Variants in MYDGF observed in about 807,000 individuals in gnomAD.
The protein encoded by MYDGF is myeloid derived growth factor.
MYDGF carries 29 observed loss-of-function variants against 24.2 expected under a neutral mutation model. The observed-to-expected ratio is 1.20, with a 90% CI of 0.89 to 1.63. MYDGF has a LOEUF of 1.63. Among genes scored for constraint, MYDGF ranks in the 40% most tolerant of loss-of-function variants. MYDGF has a pLI of 0.00. For synonymous variants in MYDGF, 105 were observed against 102.5 expected (o/e 1.02, Z -0.15); for missense variants, 245 against 234.8 (o/e 1.04, Z -0.29).
intron 3 of MYDGF, among the ~76,000 whole-genome samples, chr19:4,663,445 C>T (rs1378383868): frequency 1.6e-5 from 2 of 125,088 alleles, no homozygotes; most frequent in Non-Finnish European, 3.3e-5. Context: ...CCTCATTCTA[C>T]ACAGCCTCCA....
rs112029385 is a variant in MYDGF at position 4,665,213 on chromosome 19, C to CTGTT, written c.226-280_226-277dup. ...CACGGATGGGGAAATAGGAACAACG[C>CTGTT]TGTTTGTTTGTTTGTTTGTTTGTTT... On this transcript the variant is annotated intron_variant, in intron 2 of 5. Transcript: ENST00000262947. Among the ~76,000 whole-genome samples, 160 of 151,648 alleles carry CTGTT rather than the reference C, an allele frequency of 1.1e-3. No individual in the cohort carries two copies. In the East Asian group the frequency reaches 0.016, roughly 15 times the overall value.
intron 2 of MYDGF, 142 bp downstream of exon 2, chr19:4,668,453 C>T (rs980893615): frequency 9.3e-6 from 6 of 644,636 alleles, no homozygotes; most frequent in Admixed American, 2.8e-5. Flanking sequence ...CCAATACTCT[C>T]CCTTTTTATT....
At chr19:4,665,037 A>C in intron 2 of MYDGF, 100 bp from the exon 3 acceptor site, 3 of 1,297,212 alleles carry the variant, frequency 2.3e-6, no homozygotes, top group African/African-American at 1.5e-5. Flanking sequence ...CCTCTTCTGT[A>C]CCTCCCGATT....
In MYDGF at chr19:4,664,826, C is replaced by T. The variant is rs749867038; in HGVS notation, c.287+50G>A. ...CCTTCCAAAGCAGCTCCTGAGGCCACAGGGCAGGCCAACGGCAGCCGGAAA... is the reference window on the plus strand; with the variant it reads ...CCTTCCAAAGCAGCTCCTGAGGCCATAGGGCAGGCCAACGGCAGCCGGAAA... On this transcript the variant is annotated intron_variant, in intron 3 of 5. Coordinates refer to ENST00000262947, the MANE Select transcript of MYDGF (RefSeq NM_019107.4). The T allele has an allele frequency of 1.9e-5, 30 of 1,597,854 alleles. No homozygotes were observed. The South Asian group carries it at 3.0e-4, about 16-fold the overall frequency.
intron 2 of MYDGF, 132 bp downstream of exon 2, chr19:4,668,463 T>C (rs2088536974): frequency 1.5e-6 from 1 of 682,040 alleles, no homozygotes. Flanking sequence ...CCCTTTTTAT[T>C]GGTTTAGGAA....
At position 4,664,717 on chromosome 19, in the gene MYDGF, C is replaced by A. The variant is rs907865311; in HGVS notation, c.287+159G>T. ...TCCTTGGGGAGCACTCCCACCCCAGCGACCCTGCCACCCCCCACCTGCACG... is the reference window on the plus strand; with the variant it reads ...TCCTTGGGGAGCACTCCCACCCCAGAGACCCTGCCACCCCCCACCTGCACG... On this transcript the variant is annotated intron_variant, in intron 3 of 5. Transcript: ENST00000262947. Among the ~76,000 whole-genome samples the A allele has an allele frequency of 2.6e-5, 4 of 152,090 alleles. No individual in the cohort carries two copies. In the East Asian group the frequency reaches 5.8e-4, roughly 22 times the overall value.
rs747304109 is a variant in MYDGF at position 4,669,451 on chromosome 19, AAAC to A, written c.174+707_174+709del. Among the ~76,000 whole-genome samples, 9 of 152,204 alleles carry A rather than the reference AAAC, an allele frequency of 5.9e-5. No individual in the cohort carries two copies. The South Asian group carries it at 6.2e-4, about 11-fold the overall frequency. ...GGGCGACAGAGTGAGGCTCCATCTC[AAAC>A]AACAACAACAACAATTATCCGGGTG... On this transcript the variant is annotated intron_variant, in intron 1 of 5. Coordinates refer to ENST00000262947, the MANE Select transcript of MYDGF (RefSeq NM_019107.4).
Position 4,670,110 on chromosome 19 carries a change from C to G in MYDGF, c.174+51G>C, listed in dbSNP as rs567890675. 1.5e-4 allele frequency: 219 copies of G among 1,422,730 alleles called. 1 individual carries two copies. The African/African-American group carries it at 2.7e-3, about 18-fold the overall frequency. The allele number at this position is 1,422,730 out of a possible 1,614,324, so 88.1% of individuals were successfully genotyped here. A position where few individuals can be genotyped will look rare whatever the true frequency, so the allele number is the denominator to read the frequency against. ...GCCCCGCCCCCAATGCTCCGCGCCC[C>G]CTCCCCGGGCCTGCCAGCACTCAAA... On this transcript the variant is annotated intron_variant, in intron 1 of 5. Coordinates refer to ENST00000262947, the MANE Select transcript of MYDGF (RefSeq NM_019107.4).
intron 1 of MYDGF, 39 bp downstream of exon 1, chr19:4,670,122 T>G: frequency 7.2e-7 from 1 of 1,380,556 alleles, no homozygotes; most frequent in Non-Finnish European, 9.6e-7. Context: ...TCCCCGGGCC[T>G]GCCAGCACTC....
chr19:4,665,820 CAAAAA>C (rs533879529), intron 2 of MYDGF, among the ~76,000 whole-genome samples: 3 of 45,480 alleles, frequency 6.6e-5, no homozygotes, highest in Admixed American at 3.7e-4. Flanking sequence ...GACTCTGTCT[CAAAAA>C]AAAAAAAAAA....
At chr19:4,668,476 G>A (rs1247132680) in intron 2 of MYDGF, 119 bp downstream of exon 2, 3 of 780,526 alleles carry the variant, frequency 3.8e-6, no homozygotes, top group African/African-American at 3.5e-5. Flanking sequence ...TTTAGGAAGA[G>A]TCATTCAATG....
intron 3 of MYDGF, 56 bp downstream of exon 3, chr19:4,664,820 A>T: frequency 6.3e-7 from 1 of 1,584,472 alleles, no homozygotes; most frequent in South Asian, 1.1e-5. Context: ...GCAGCTCCTG[A>T]GGCCACAGGG....
At chr19:4,662,312 A>G (rs2088477204) in intron 3 of MYDGF, among the ~76,000 whole-genome samples, 1 of 152,180 alleles carries the variant, frequency 6.6e-6, no homozygotes, top group South Asian at 2.1e-4. Flanking sequence ...TCTCCCTCCA[A>G]AGTGTCTGCA....
At position 4,667,121 on chromosome 19, in the gene MYDGF, CTTTTTTTTTTTT is replaced by C. The variant is rs57093750; in HGVS notation, c.225+1462_225+1473del. Among the ~76,000 whole-genome samples, 6 of 102,172 alleles carry C rather than the reference CTTTTTTTTTTTT, an allele frequency of 5.9e-5. 1 individual carries two copies. The highest frequency in any genetic ancestry group is 6.4e-4 in the East Asian group (2 of 3,124). 67.0% of individuals were successfully genotyped at this position (102,172 alleles called of 152,430 possible). The stretch of plus-strand genomic sequence containing the variant: ...ATGTGTCCATGTGCTTCAAATCACC[CTTTTTTTTTTTT>C]TTTTTTTTTTTTTGAGACAGAGTCT... On this transcript the variant is annotated intron_variant, in intron 2 of 5. Transcript: ENST00000262947.
At chr19:4,659,124 G>A (rs958412516) in intron 5 of MYDGF, among the ~76,000 whole-genome samples, 1 of 152,048 alleles carries the variant, frequency 6.6e-6, no homozygotes, top group Non-Finnish European at 1.5e-5. Flanking sequence ...TGCCCAGGCT[G>A]GAGTGCAGTG....
chr19:4,667,443 TGTA>T (rs1260166703), intron 2 of MYDGF, among the ~76,000 whole-genome samples: 1 of 152,002 alleles, frequency 6.6e-6, no homozygotes, highest in Non-Finnish European at 1.5e-5. Flanking sequence ...GGCTAATTTT[TGTA>T]GTTTTAGTAG....
Position 4,664,884 on chromosome 19 carries a change from G to A in MYDGF, c.279C>T (p.Thr93=). The change falls in exon 3 of 6, where the codon ACC becomes ACT. Residue 93 remains threonine (T), a synonymous_variant. Coordinates refer to ENST00000262947, the MANE Select transcript of MYDGF (RefSeq NM_019107.4). ...CCCACCCCGAGTCTCACCTCCAGATGGTGCAGGTGAAGTGCTGGTGGTCTT... is the reference window on the plus strand; with the variant it reads ...CCCACCCCGAGTCTCACCTCCAGATAGTGCAGGTGAAGTGCTGGTGGTCTT... The part of the protein sequence containing the change: ...TSEDHQHFTC[T]IWRPQGKSYL... 6.2e-7 allele frequency: 1 copy of A among 1,612,770 alleles called. No homozygotes were observed. The highest frequency in any genetic ancestry group is 1.1e-5 in the South Asian group (1 of 90,956).
chr19:4,667,555 AGCCACTGT>A (rs141841811), intron 2 of MYDGF, among the ~76,000 whole-genome samples: 3,077 of 152,290 alleles, frequency 0.02, 105 homozygotes, highest in African/African-American at 0.071. Flanking sequence ...TATAGGCATG[AGCCACTGT>A]GCCTGGCCCA....
intron 2 of MYDGF, among the ~76,000 whole-genome samples, chr19:4,667,714 CT>C (rs60551607): frequency 0.24 from 35,607 of 146,356 alleles, 7,382 homozygotes; most frequent in African/African-American, 0.57. Flanking sequence ...AGCCCAGAGA[CT>C]TTTTTTTTTT....
Sources: allele counts gnomAD v4.1 joint callset (sites outside exome capture counted in the v4.1 genomes callset), GRCh38; gene constraint gnomAD v4.1.1; transcripts MANE v1.5; gene names NCBI Gene and HGNC (gene_info 2026-07-23, HGNC 2026-07-21).